Variants in MAPRE3 observed in about 807,000 individuals in gnomAD.
MAPRE3 encodes the protein microtubule associated protein RP/EB family member 3.
A neutral mutation model predicts 30.5 loss-of-function variants in MAPRE3; 2 were observed. The observed-to-expected ratio is 0.07, with a 90% CI of 0.03 to 0.21. MAPRE3 has a LOEUF of 0.21. Among genes scored for constraint, MAPRE3 ranks in the 10% least tolerant of loss-of-function variants. The pLI is 1.00. For missense variants in MAPRE3, 204 were observed against 351.8 expected, an observed-to-expected ratio of 0.58 and a Z score of 3.36; for synonymous variants, 110 against 127.7, an observed-to-expected ratio of 0.86 and a Z score of 0.93.
At chr2:27,018,176 C>G (rs968298888) in intron 1 of MAPRE3, among the ~76,000 whole-genome samples, 2 of 152,200 alleles carry the variant, frequency 1.3e-5, no homozygotes, top group African/African-American at 4.8e-5. Context: ...CAGGGCCAAC[C>G]TAAGACTACT....
In MAPRE3 at chr2:27,005,425, G is replaced by T. The variant is rs1666703773; in HGVS notation, c.-7-16787G>T. Among the ~76,000 whole-genome samples the T allele has an allele frequency of 2.6e-5, 4 of 152,252 alleles. No individual in the cohort carries two copies. The South Asian group carries it at 8.3e-4, about 32-fold the overall frequency. ...TTTTCTCCATCCTTCCAGTGGCTTG[G>T]GCAAGAAACTTTGGGGTCATCTTTG... On this transcript the variant is annotated intron_variant, in intron 1 of 6. Coordinates refer to ENST00000233121, the MANE Select transcript of MAPRE3 (RefSeq NM_012326.4).
chr2:27,018,322 A>C (rs1334372427), intron 1 of MAPRE3, among the ~76,000 whole-genome samples: 1 of 152,088 alleles, frequency 6.6e-6, no homozygotes, highest in East Asian at 1.9e-4. Context: ...CTGCAGAGTC[A>C]TTCTGGACAG....
intron 1 of MAPRE3, among the ~76,000 whole-genome samples, chr2:27,011,560 G>A (rs955675639): frequency 1.3e-5 from 2 of 152,068 alleles, no homozygotes; most frequent in Non-Finnish European, 2.9e-5. Flanking sequence ...TTAAGGCAAT[G>A]CTAGGCCGGA....
At chr2:27,021,348 A>T (rs1250844349) in intron 1 of MAPRE3, among the ~76,000 whole-genome samples, 1 of 152,164 alleles carries the variant, frequency 6.6e-6, no homozygotes, top group African/African-American at 2.4e-5. Flanking sequence ...AGGGAGAGTA[A>T]GCTGTCTGGG....
At chr2:26,998,734 C>T (rs888392155) in intron 1 of MAPRE3, among the ~76,000 whole-genome samples, 1 of 152,170 alleles carries the variant, frequency 6.6e-6, no homozygotes, top group Admixed American at 6.5e-5. Flanking sequence ...CTAACCCAGC[C>T]CAGAGGAACA....
intron 1 of MAPRE3, among the ~76,000 whole-genome samples, chr2:27,009,135 T>C (rs994524061): frequency 6.6e-6 from 1 of 152,074 alleles, no homozygotes; most frequent in Non-Finnish European, 1.5e-5. Flanking sequence ...GGGTGGTGAT[T>C]CCATGAATCC....
chr2:27,025,139 G>A (rs1348978615), intron 4 of MAPRE3, among the ~76,000 whole-genome samples: 1 of 152,282 alleles, frequency 6.6e-6, no homozygotes, highest in African/African-American at 2.4e-5. Context: ...CCTGACACAG[G>A]GCCCCTGGAG....
At chr2:27,019,466 G>A (rs1006884928) in intron 1 of MAPRE3, among the ~76,000 whole-genome samples, 5 of 151,954 alleles carry the variant, frequency 3.3e-5, no homozygotes, top group Admixed American at 2.0e-4. Context: ...ATGGTTCAAC[G>A]TTACTGAACG....
At chr2:26,984,757 C>T (rs1482466942) in intron 1 of MAPRE3, 1 of 152,246 alleles carries the variant, frequency 6.6e-6, no homozygotes, top group Non-Finnish European at 1.5e-5. Flanking sequence ...TCCAGTCGCA[C>T]ATAAATCTTT....
In MAPRE3 at chr2:27,015,058, T is replaced by C. The variant is rs1666952230; in HGVS notation, c.-7-7154T>C. On this transcript the variant is annotated intron_variant, in intron 1 of 6. Transcript: ENST00000233121. The surrounding 1 kb of genome is among the most constrained non-coding windows in gnomAD (Gnocchi z 4.0). ...GAGGGATTGTGGTCAGAGCCCAGCT[T>C]TGGGAAGCCCATGTGGCTGTCTCAA... The C allele has an allele frequency of 6.6e-6, 1 of 152,244 alleles. No individual in the cohort carries two copies. Among genetic ancestry groups the C allele is most frequent in the African/African-American group, 2.4e-5 (1 of 41,444 alleles). 9.4% of individuals were successfully genotyped at this position (152,244 alleles called of 1,614,324 possible). A position where few individuals can be genotyped will look rare whatever the true frequency, so the allele number is the denominator to read the frequency against.
intron 1 of MAPRE3, chr2:27,014,529 C>T (rs1353723235): frequency 6.6e-6 from 1 of 152,422 alleles, no homozygotes; most frequent in African/African-American, 2.4e-5. Flanking sequence ...AGATCCCTGT[C>T]CTGGATGTGT....
At position 26,985,916 on chromosome 2, in the gene MAPRE3, A is replaced by G. The variant is rs531442280; in HGVS notation, c.-8+15114A>G. ...GAGAGGCAGGGAGCAGATTCCCCCA[A>G]GAGCCTTCAGAGGGAGGGCAGCCCT... On this transcript the variant is annotated intron_variant, in intron 1 of 6. Coordinates refer to ENST00000233121, the MANE Select transcript of MAPRE3 (RefSeq NM_012326.4). This position sits in a 1 kb window ranked among gnomAD's most constrained non-coding sequence, Gnocchi z 4.2. 5.9e-5 allele frequency among the ~76,000 whole-genome samples: 9 copies of G among 152,288 alleles called. No individual in the cohort carries two copies. The East Asian group carries it at 1.5e-3, about 26-fold the overall frequency.
At chr2:27,023,254 G>C (rs1016357261) in intron 2 of MAPRE3, 78 bp from the exon 3 acceptor site, 8 of 1,480,560 alleles carry the variant, frequency 5.4e-6, no homozygotes, top group Non-Finnish European at 7.3e-6. Flanking sequence ...AAGAGGAGAC[G>C]GGGTTTGGGG....
chr2:27,001,210 C>G (rs77978280), intron 1 of MAPRE3, among the ~76,000 whole-genome samples: 3,425 of 152,208 alleles, frequency 0.023, 128 homozygotes, highest in African/African-American at 0.077. Flanking sequence ...GTGTACTCAC[C>G]CAAACCTAGA....
At chr2:27,019,433 G>A (rs1667066654) in intron 1 of MAPRE3, among the ~76,000 whole-genome samples, 1 of 152,022 alleles carries the variant, frequency 6.6e-6, no homozygotes, top group Non-Finnish European at 1.5e-5. Context: ...TCAGAAAGAG[G>A]AGAGGACATG....
chr2:27,007,988 C>T (rs915278236), intron 1 of MAPRE3, among the ~76,000 whole-genome samples: 2 of 152,112 alleles, frequency 1.3e-5, no homozygotes, highest in African/African-American at 4.8e-5. Context: ...ATGATGAGTC[C>T]TTTCTCTATC....
chr2:26,976,434 G>A (rs937128392), intron 1 of MAPRE3, among the ~76,000 whole-genome samples: 3 of 152,132 alleles, frequency 2.0e-5, no homozygotes, highest in Admixed American at 6.5e-5. Flanking sequence ...CTTCCCTTTG[G>A]CCAAGAGTAC....
At chr2:27,023,692 T>C (rs1667162786) in intron 3 of MAPRE3, 1 of 580,474 alleles carries the variant, frequency 1.7e-6, no homozygotes, top group Non-Finnish European at 3.1e-6. Flanking sequence ...TCCTTTCCCT[T>C]CCTCCTCTCT....
At chr2:26,974,511 G>A (rs986875312) in intron 1 of MAPRE3, among the ~76,000 whole-genome samples, 15 of 152,188 alleles carry the variant, frequency 9.9e-5, no homozygotes, top group African/African-American at 2.9e-4. Flanking sequence ...GAGGCAGATG[G>A]GGCTGAGAGG....
Sources: allele counts gnomAD v4.1 joint callset (sites outside exome capture counted in the v4.1 genomes callset), GRCh38; gene constraint gnomAD v4.1.1; non-coding constraint Gnocchi (gnomAD v3.1); transcripts MANE v1.5; gene names NCBI Gene and HGNC (gene_info 2026-07-23, HGNC 2026-07-21).